The following KIAA1217 variants were observed in gnomAD, a reference collection of about 807,000 sequenced individuals.
KIAA1217 encodes sickle tail protein homolog.
Under a neutral mutation model 163.9 loss-of-function variants are expected in KIAA1217, and 88 were observed. The ratio of observed to expected loss-of-function variants is 0.54; its 90% CI spans 0.45 to 0.64. The LOEUF (loss-of-function observed/expected upper bound fraction) is 0.64, where lower values mean the gene tolerates loss of function less well. KIAA1217 is among the 30% of genes least tolerant of loss of function. The probability of loss-of-function intolerance (pLI) is 0.00; values close to 1 mark genes in which losing one functional copy is unlikely to be tolerated. For missense variants in KIAA1217, 2,372 were observed against 2,475.0 expected, an observed-to-expected ratio of 0.96 and a Z score of 0.88; for synonymous variants, 903 against 923.1, an observed-to-expected ratio of 0.98 and a Z score of 0.39.
At chr10:23,807,395 C>G (rs373555829) in intron 1 of KIAA1217, among the ~76,000 whole-genome samples, 1 of 152,166 alleles carries the variant, frequency 6.6e-6, no homozygotes, top group African/African-American at 2.4e-5. Context: ...TTTCTTGAAA[C>G]AAAGATGTGG....
chr10:23,856,291 G>A lies in KIAA1217; in HGVS notation c.-320-150934G>A, dbSNP rs1001475802. On this transcript the variant is annotated intron_variant, in intron 1 of 18. Coordinates refer to the KIAA1217 transcript ENST00000376462. ...TAGAGGTCCACTCCAGACCCTGTTT[G>A]CCTGGGTATCAGCAGCAGTGGCTGC... is the stretch of plus-strand genomic sequence containing the variant. Among the ~76,000 whole-genome samples, 3 of 152,338 alleles carry A rather than the reference G, an allele frequency of 2.0e-5. No homozygotes were observed. In the South Asian group the frequency reaches 6.2e-4, roughly 32 times the overall value.
intron 1 of KIAA1217, among the ~76,000 whole-genome samples, chr10:23,906,068 G>A (rs1842149274): frequency 6.6e-6 from 1 of 152,028 alleles, no homozygotes; most frequent in Non-Finnish European, 1.5e-5. Flanking sequence ...GGATGGAAAA[G>A]CAAAAGGGCC....
chr10:24,062,336 T>G (rs2060758672), intron 2 of KIAA1217, among the ~76,000 whole-genome samples: 1 of 132,302 alleles, frequency 7.6e-6, no homozygotes, highest in Non-Finnish European at 1.6e-5. Flanking sequence ...CCCCTTCCTG[T>G]GTCCATGTGT....
At chr10:24,404,100 G>A (rs2056893574) in intron 3 of KIAA1217, among the ~76,000 whole-genome samples, 1 of 152,120 alleles carries the variant, frequency 6.6e-6, no homozygotes, top group East Asian at 1.9e-4. Flanking sequence ...TGGGACTAAA[G>A]GAGCACGCCA....
chr10:24,178,384 T>C (rs1375470446), intron 2 of KIAA1217, among the ~76,000 whole-genome samples: 1 of 152,242 alleles, frequency 6.6e-6, no homozygotes, highest in East Asian at 1.9e-4. Flanking sequence ...GAATCTGCAG[T>C]TGAGTTGGGA....
At chr10:24,163,251 T>C (rs1403208485) in intron 2 of KIAA1217, among the ~76,000 whole-genome samples, 1 of 152,190 alleles carries the variant, frequency 6.6e-6, no homozygotes, top group Non-Finnish European at 1.5e-5. Context: ...AGTAAAGAGA[T>C]TTTGATTCAA....
intron 1 of KIAA1217, among the ~76,000 whole-genome samples, chr10:23,713,748 G>A (rs1355620091): frequency 6.6e-6 from 1 of 152,080 alleles, no homozygotes; most frequent in Non-Finnish European, 1.5e-5. Context: ...CAAAATATGT[G>A]ATGTAATTCT....
At chr10:24,163,808 A>G (rs1323496999) in intron 2 of KIAA1217, among the ~76,000 whole-genome samples, 1 of 151,962 alleles carries the variant, frequency 6.6e-6, no homozygotes. Context: ...TAATAAAGAC[A>G]CTCCCAGGCA....
intron 2 of KIAA1217, among the ~76,000 whole-genome samples, chr10:24,242,456 ATGG>A (rs1035630846): frequency 5.9e-5 from 9 of 152,184 alleles, no homozygotes; most frequent in African/African-American, 2.2e-4. Flanking sequence ...ATAGAATTCC[ATGG>A]TGAACATGTA....
At chr10:23,701,819 A>G (rs568878898) in intron 1 of KIAA1217, among the ~76,000 whole-genome samples, 59 of 152,298 alleles carry the variant, frequency 3.9e-4, no homozygotes, top group African/African-American at 1.4e-3. Context: ...AAAGTTTAGT[A>G]CCTTATTACA....
intron 3 of KIAA1217, among the ~76,000 whole-genome samples, chr10:24,394,647 C>A: frequency 6.6e-6 from 1 of 152,084 alleles, no homozygotes; most frequent in Admixed American, 6.6e-5. Context: ...CAAAGACTTC[C>A]CGGATGAAGC....
At chr10:23,859,223 C>A (rs1839846062) in intron 1 of KIAA1217, among the ~76,000 whole-genome samples, 1 of 152,122 alleles carries the variant, frequency 6.6e-6, no homozygotes, top group Non-Finnish European at 1.5e-5. Flanking sequence ...GGACCTAAAG[C>A]CTGTGGATTG....
chr10:24,262,475 A>C (rs2075817841), intron 2 of KIAA1217, among the ~76,000 whole-genome samples: 1 of 152,058 alleles, frequency 6.6e-6, no homozygotes, highest in South Asian at 2.1e-4. Flanking sequence ...AAAATACAAA[A>C]AATTAGCCGG....
chr10:23,745,843 G>A (rs11013693), intron 1 of KIAA1217, among the ~76,000 whole-genome samples: 31,180 of 152,048 alleles, frequency 0.21, 3,370 homozygotes, highest in Middle Eastern at 0.25. Flanking sequence ...AATACAATGA[G>A]CAATGAATAA....
intron 2 of KIAA1217, among the ~76,000 whole-genome samples, chr10:24,325,917 G>T (rs1183181582): frequency 6.6e-6 from 1 of 152,124 alleles, no homozygotes; most frequent in African/African-American, 2.4e-5. Flanking sequence ...AGAAAAATTA[G>T]ATAATTTAGA....
intron 3 of KIAA1217, among the ~76,000 whole-genome samples, chr10:24,417,577 G>A (rs1052330777): frequency 6.6e-6 from 1 of 152,160 alleles, no homozygotes; most frequent in South Asian, 2.1e-4. Flanking sequence ...AGACTGATGC[G>A]GACTAGAATT....
At chr10:24,388,667 A>C (rs900040769) in intron 3 of KIAA1217, among the ~76,000 whole-genome samples, 1 of 152,094 alleles carries the variant, frequency 6.6e-6, no homozygotes, top group East Asian at 1.9e-4. Context: ...CCACCTGACA[A>C]AGGGCTAATA....
intron 1 of KIAA1217, among the ~76,000 whole-genome samples, chr10:23,760,093 A>C (rs949344592): frequency 4.6e-5 from 7 of 152,160 alleles, no homozygotes; most frequent in African/African-American, 9.7e-5. Flanking sequence ...GTTTTAACTC[A>C]GTGCCTAGAC....
intron 3 of KIAA1217, among the ~76,000 whole-genome samples, chr10:24,423,289 C>CT (rs71506831): frequency 0.054 from 7,571 of 139,520 alleles, 445 homozygotes; most frequent in Middle Eastern, 0.17. Flanking sequence ...CTTTAAAGCA[C>CT]TTTTTTTTTT....
Sources: gnomAD v4.1 joint callset for allele counts (sites outside exome capture counted in the v4.1 genomes callset) on GRCh38, gnomAD v4.1.1 for gene constraint, MANE v1.5 for transcripts, NCBI Gene and HGNC (gene_info 2026-07-23, HGNC 2026-07-21) for gene names.